Variants in FILIP1L observed in about 807,000 individuals in gnomAD.
FILIP1L encodes filamin A-interacting protein 1-like.
Under a neutral mutation model 96.6 loss-of-function variants are expected in FILIP1L, and 55 were observed. The observed-to-expected ratio is 0.57, with a 90% CI of 0.46 to 0.71. The LOEUF is 0.71. FILIP1L is among the 30% of genes least tolerant of loss of function. The pLI is 0.00. For missense variants in FILIP1L, 1,304 were observed against 1,321.2 expected, an observed-to-expected ratio of 0.99 and a Z score of 0.20; for synonymous variants, 467 against 473.9, an observed-to-expected ratio of 0.99 and a Z score of 0.19.
intron 1 of FILIP1L, among the ~76,000 whole-genome samples, chr3:100,084,145 T>C (rs969594200): frequency 6.6e-6 from 1 of 152,192 alleles, no homozygotes. Context: ...TTGCTGCATG[T>C]CTAGACTTCT....
chr3:99,937,892 T>G (rs1707729885), intron 1 of FILIP1L, among the ~76,000 whole-genome samples: 1 of 152,230 alleles, frequency 6.6e-6, no homozygotes, highest in African/African-American at 2.4e-5. Context: ...TTATTTATCT[T>G]AAAGAATTTT....
chr3:99,888,596 G>A (rs1705983373), intron 4 of FILIP1L, among the ~76,000 whole-genome samples: 1 of 152,052 alleles, frequency 6.6e-6, no homozygotes, highest in East Asian at 1.9e-4. Context: ...AATAGAGAGA[G>A]GCTCTTTATG....
intron 1 of FILIP1L, among the ~76,000 whole-genome samples, chr3:100,062,093 C>CTTTTTTTTTTTTTTTTTTTTTTTTTT (rs71907944): frequency 1.9e-5 from 1 of 53,154 alleles, no homozygotes; most frequent in Non-Finnish European, 3.4e-5. Context: ...CTGTCTTCTT[C>CTTTTTTTTTTTTTTTTTTTTTTTTTT]TTTTTTTTTT....
Position 99,849,148 on chromosome 3 carries a change from G to T in FILIP1L, c.2528C>A (p.Ser843Tyr), listed in dbSNP as rs1418568104. 1.9e-6 allele frequency: 3 copies of T among 1,614,172 alleles called. No individual in the cohort carries two copies. The Admixed American group carries it at 5.0e-5, about 27-fold the overall frequency. The change falls in exon 5 of 6, where the codon TCT becomes TAT. Residue 843 changes from serine (S) to tyrosine (Y), a missense_variant. Ser to Tyr is a moderately radical substitution (Grantham distance 144). Coordinates refer to ENST00000477258, the MANE Select transcript of FILIP1L (RefSeq NM_001387850.1). ...NQDEDPNDEG[S>Y]VLSFKCSQST... ...CTGGCTGCATTTGAAGGACAGCACA[G>T]ATCCCTCATCATTAGGGTCCTCGTC...
intron 1 of FILIP1L, among the ~76,000 whole-genome samples, chr3:99,950,155 G>A (rs144685113): frequency 0.012 from 1,763 of 152,268 alleles, 19 homozygotes; most frequent in African/African-American, 0.026. Context: ...GCCACCTACT[G>A]TAACTGTAGA....
chr3:99,879,806 A>T (rs1480859110), intron 4 of FILIP1L, among the ~76,000 whole-genome samples: 1 of 152,204 alleles, frequency 6.6e-6, no homozygotes, highest in Non-Finnish European at 1.5e-5. Flanking sequence ...AAACAGCAAG[A>T]CCTGTATAAG....
At chr3:99,896,277 G>GA (rs1284538067) in intron 4 of FILIP1L, among the ~76,000 whole-genome samples, 1 of 152,162 alleles carries the variant, frequency 6.6e-6, no homozygotes, top group African/African-American at 2.4e-5. Context: ...ACTATAGGAG[G>GA]AAAATGACAG....
At chr3:99,968,462 G>A (rs1218164015) in intron 1 of FILIP1L, among the ~76,000 whole-genome samples, 6 of 152,030 alleles carry the variant, frequency 3.9e-5, no homozygotes, top group Non-Finnish European at 7.4e-5. Flanking sequence ...GATATGTTGG[G>A]TTTAAGTCCT....
chr3:99,853,319 C>T, intron 4 of FILIP1L, among the ~76,000 whole-genome samples: 1 of 152,218 alleles, frequency 6.6e-6, no homozygotes, highest in East Asian at 1.9e-4. Context: ...CTCTACACCA[C>T]AGTTCTTACA....
intron 1 of FILIP1L, among the ~76,000 whole-genome samples, chr3:100,048,674 CTG>C (rs996315665): frequency 6.6e-6 from 1 of 152,162 alleles, no homozygotes; most frequent in African/African-American, 2.4e-5. Flanking sequence ...CATTTCCACT[CTG>C]TTAACATCTC....
At position 99,949,337 on chromosome 3, in the gene FILIP1L, A is replaced by G. The variant is rs183549142; in HGVS notation, c.-10-18307T>C. Reference sequence around the variant, plus strand: ...TTTTAATAAGCTAAATTTAAATAAAACCCTCCATAGTTGGCAACTGGCTTC... The same window carrying G: ...TTTTAATAAGCTAAATTTAAATAAAGCCCTCCATAGTTGGCAACTGGCTTC... On this transcript the variant is annotated intron_variant, in intron 1 of 5. Transcript: ENST00000477258. 1.6e-4 allele frequency among the ~76,000 whole-genome samples: 25 copies of G among 152,204 alleles called. No homozygotes were observed. In the East Asian group the frequency reaches 4.8e-3, roughly 29 times the overall value.
Position 99,923,921 on chromosome 3 carries a change from A to G in FILIP1L, c.605+309T>C, listed in dbSNP as rs1014386854. On this transcript the variant is annotated intron_variant, in intron 4 of 5. Coordinates refer to ENST00000477258, the MANE Select transcript of FILIP1L (RefSeq NM_001387850.1). ...TAACACACTTATTTCACCCCTTGCC[A>G]TGAATATGGTTTTCATTCTTGTTTG... is the stretch of plus-strand genomic sequence containing the variant. Among the ~76,000 whole-genome samples the G allele has an allele frequency of 3.3e-5, 5 of 152,190 alleles. 1 individual carries two copies. Among genetic ancestry groups the G allele is most frequent in the African/African-American group, 1.2e-4 (5 of 41,444 alleles).
At chr3:99,929,321 A>G (rs1294471261) in intron 3 of FILIP1L, among the ~76,000 whole-genome samples, 1 of 152,240 alleles carries the variant, frequency 6.6e-6, no homozygotes, top group Non-Finnish European at 1.5e-5. Context: ...TTAAACTTTG[A>G]AGGAAAAAGA....
At chr3:100,041,212 A>G (rs1390942005) in intron 1 of FILIP1L, 2 of 152,136 alleles carry the variant, frequency 1.3e-5, no homozygotes, top group Non-Finnish European at 2.9e-5. Flanking sequence ...CAAACAAGCT[A>G]TGGAATCTAC....
chr3:99,851,152 G>A (rs1943678063), intron 4 of FILIP1L, 82 bp from the exon 5 acceptor site: 2 of 1,130,070 alleles, frequency 1.8e-6, no homozygotes, highest in Non-Finnish European at 2.5e-6. Context: ...ATGTAATTTA[G>A]AAATTATGTA....
At chr3:99,854,684 T>TA (rs1559661007) in intron 4 of FILIP1L, among the ~76,000 whole-genome samples, 1 of 151,844 alleles carries the variant, frequency 6.6e-6, no homozygotes, top group Non-Finnish European at 1.5e-5. Flanking sequence ...AAATGTCTCC[T>TA]GGGGGGCAGT....
intron 1 of FILIP1L, among the ~76,000 whole-genome samples, chr3:100,093,554 A>C (rs2066150317): frequency 6.6e-6 from 1 of 152,174 alleles, no homozygotes; most frequent in African/African-American, 2.4e-5. Context: ...TTCCACATAC[A>C]CTTCAACCAG....
At position 99,930,555 on chromosome 3, in the gene FILIP1L, A is replaced by G. The variant is rs557415895; in HGVS notation, c.252+214T>C. Among the ~76,000 whole-genome samples the G allele has an allele frequency of 2.4e-4, 36 of 152,310 alleles. No individual in the cohort carries two copies. In the South Asian group the frequency reaches 3.9e-3, roughly 17 times the overall value. On this transcript the variant is annotated intron_variant, in intron 2 of 5. Transcript: ENST00000477258. ...GAGGATGTGACCTTTCACGACCTGT[A>G]TGCCAATCACATGTCATCATGACAG... is the stretch of plus-strand genomic sequence containing the variant.
In FILIP1L at chr3:99,865,165, G is replaced by T. The variant is rs555809950; in HGVS notation, c.606-14095C>A. ...GAACAATTTTTATATGCCATGTACC[G>T]TGTTAGTCCTGCAAACAGTCATAGG... On this transcript the variant is annotated intron_variant, in intron 4 of 5. Coordinates refer to ENST00000477258, the MANE Select transcript of FILIP1L (RefSeq NM_001387850.1). Among the ~76,000 whole-genome samples the T allele has an allele frequency of 3.3e-5, 5 of 152,116 alleles. No homozygotes were observed. The East Asian group carries it at 5.8e-4, about 18-fold the overall frequency.
Sources: allele counts gnomAD v4.1 joint callset (sites outside exome capture counted in the v4.1 genomes callset), GRCh38; gene constraint gnomAD v4.1.1; transcripts MANE v1.5; gene names NCBI Gene and HGNC (gene_info 2026-07-23, HGNC 2026-07-21).